Variants in MYO1E observed in about 807,000 individuals in gnomAD.
MYO1E encodes unconventional myosin-Ie.
In MYO1E, 68 loss-of-function variants were observed where a neutral mutation model predicts 151.1. The observed-to-expected ratio is 0.45, with a 90% CI of 0.37 to 0.55. The LOEUF (loss-of-function observed/expected upper bound fraction) is 0.55. Among genes scored for constraint, MYO1E ranks in the 20% least tolerant of loss-of-function variants. The probability of loss-of-function intolerance (pLI) is 0.00; values close to 1 mark genes in which losing one functional copy is unlikely to be tolerated. For synonymous variants in MYO1E, 601 were observed against 501.7 expected (o/e 1.20, Z -2.64); for missense variants, 1,363 against 1,389.3 (o/e 0.98, Z 0.30).
chr15:59,367,979 G>A (rs1222685533), intron 1 of MYO1E, among the ~76,000 whole-genome samples: 1 of 152,040 alleles, frequency 6.6e-6, no homozygotes, highest in East Asian at 1.9e-4. Context: ...AATTAGGCGG[G>A]TGTGGTGGTG....
Position 59,239,525 on chromosome 15 carries a change from G to C in MYO1E, c.333-2853C>G, listed in dbSNP as rs573737261. 2.0e-5 allele frequency among the ~76,000 whole-genome samples: 3 copies of C among 151,916 alleles called. No homozygotes were observed. In the South Asian group the frequency reaches 6.2e-4, roughly 32 times the overall value. On this transcript the variant is annotated intron_variant, in intron 4 of 27. Transcript: ENST00000288235. ...TAAATTTAAAAAAGAATTATAAAAG[G>C]ACAGTAATCCCAGTAATCCTCCCAC...
In MYO1E at chr15:59,220,336, C is replaced by A. The variant is rs536055620; in HGVS notation, c.911-2249G>T. Reference sequence around the variant, plus strand: ...TGGTGGTGCGCACCTGTAATCCCAGCTACTTGGGAGGCTGAGACAGGAGAA... The same window carrying A: ...TGGTGGTGCGCACCTGTAATCCCAGATACTTGGGAGGCTGAGACAGGAGAA... On this transcript the variant is annotated intron_variant, in intron 9 of 27. Coordinates refer to ENST00000288235, the MANE Select transcript of MYO1E (RefSeq NM_004998.4). Among the ~76,000 whole-genome samples, 18 of 152,302 alleles carry A rather than the reference C, an allele frequency of 1.2e-4. No individual in the cohort carries two copies. The South Asian group carries it at 2.3e-3, about 19-fold the overall frequency.
intron 1 of MYO1E, among the ~76,000 whole-genome samples, chr15:59,344,010 G>A (rs189601559): frequency 6.6e-6 from 1 of 152,238 alleles, no homozygotes; most frequent in East Asian, 1.9e-4. Context: ...ATTGACCCCT[G>A]GTCAATTTAT....
chr15:59,151,889 T>TACACACACACACACAC (rs34550013), intron 26 of MYO1E, among the ~76,000 whole-genome samples: 159 of 147,242 alleles, frequency 1.1e-3, no homozygotes, highest in African/African-American at 3.9e-3. Flanking sequence ...TCTACAAAAA[T>TACACACACACACACAC]ACACACACAC....
chr15:59,226,379 A>G (rs2079991553), intron 7 of MYO1E, among the ~76,000 whole-genome samples: 1 of 152,246 alleles, frequency 6.6e-6, no homozygotes, highest in Non-Finnish European at 1.5e-5. Flanking sequence ...AACAAAAAAC[A>G]GTGACCAGGT....
At chr15:59,239,225 T>TATA (rs1300583176) in intron 4 of MYO1E, among the ~76,000 whole-genome samples, 1,488 of 34,612 alleles carry the variant, frequency 0.043, 12 homozygotes, top group East Asian at 0.076. Flanking sequence ...TATATATATA[T>TATA]TTTTTTTATT....
chr15:59,205,909 G>A (rs967849902), intron 14 of MYO1E, among the ~76,000 whole-genome samples: 1 of 152,158 alleles, frequency 6.6e-6, no homozygotes, highest in Non-Finnish European at 1.5e-5. Context: ...TCACTGCAAT[G>A]AGCCATGTCA....
intron 1 of MYO1E, among the ~76,000 whole-genome samples, chr15:59,277,557 A>AAACAACAACAAC (rs1555416364): frequency 4.1e-4 from 19 of 46,704 alleles, no homozygotes; most frequent in African/African-American, 7.5e-4. Context: ...ACAAAAAAAA[A>AAACAACAACAAC]AAAAAAAAAA....
intron 8 of MYO1E, 125 bp from the exon 9 acceptor site, chr15:59,223,316 A>C: frequency 1.8e-4 from 7 of 39,944 alleles, no homozygotes; most frequent in East Asian, 3.0e-4. Context: ...AGTTACAAAG[A>C]AAAAAAAAAA....
At chr15:59,220,848 C>T (rs1361982302) in intron 9 of MYO1E, among the ~76,000 whole-genome samples, 9 of 117,018 alleles carry the variant, frequency 7.7e-5, no homozygotes, top group East Asian at 2.1e-4. Context: ...CCAGCACTTC[C>T]GGAGGCCAAG....
chr15:59,208,551 T>G (rs2079855638), intron 14 of MYO1E, 130 bp downstream of exon 14: 1 of 1,172,520 alleles, frequency 8.5e-7, no homozygotes, highest in African/African-American at 1.5e-5. Context: ...TTTGCTTCCT[T>G]TGATAGTTAA....
chr15:59,208,250 C>T (rs1205031102), intron 14 of MYO1E: 3 of 641,804 alleles, frequency 4.7e-6, no homozygotes, highest in African/African-American at 3.7e-5. Context: ...TGAGCATCCA[C>T]GTGCTGGACG....
chr15:59,206,997 G>T, intron 14 of MYO1E: 1 of 1,613,956 alleles, frequency 6.2e-7, no homozygotes, highest in Non-Finnish European at 8.5e-7. Flanking sequence ...CGGTGGGAGC[G>T]AATTTCCTAT....
intron 1 of MYO1E, among the ~76,000 whole-genome samples, chr15:59,315,435 A>G (rs1385867420): frequency 3.3e-5 from 5 of 152,044 alleles, no homozygotes; most frequent in Non-Finnish European, 2.9e-5. Flanking sequence ...TAGCTAATGC[A>G]TGCTGGGCTT....
intron 17 of MYO1E, among the ~76,000 whole-genome samples, chr15:59,192,021 T>C (rs1159730136): frequency 6.6e-6 from 1 of 152,194 alleles, no homozygotes; most frequent in African/African-American, 2.4e-5. Flanking sequence ...ACTTGTGGAA[T>C]GAGTAACCCT....
Position 59,163,157 on chromosome 15 carries a change from G to T in MYO1E, c.2627C>A (p.Thr876Lys), listed in dbSNP as rs147596471. ...QKQLPLKFSN[T>K]LELKLKKENW... Reference sequence around the variant, plus strand: ...GTCTGGGTCCCAGATCCGGACTTACGTATTGCTGAATTTCAGAGGTAGTTG... The same window carrying T: ...GTCTGGGTCCCAGATCCGGACTTACTTATTGCTGAATTTCAGAGGTAGTTG... The change falls in exon 23 of 28, where the codon ACG (threonine) becomes AAG (lysine). Residue 876 changes from threonine to lysine, a missense_variant and splice_region_variant. Transcript: ENST00000288235. The T allele has an allele frequency of 6.2e-7, 1 of 1,613,968 alleles. No homozygotes were observed. Among genetic ancestry groups the T allele is most frequent in the East Asian group, 2.2e-5 (1 of 44,884 alleles).
chr15:59,311,452 C>T (rs2080551279), intron 1 of MYO1E, among the ~76,000 whole-genome samples: 2 of 152,100 alleles, frequency 1.3e-5, no homozygotes, highest in South Asian at 4.1e-4. Flanking sequence ...GCTGTGCATC[C>T]CAGTTCCTAA....
intron 6 of MYO1E, among the ~76,000 whole-genome samples, chr15:59,229,148 T>C (rs1555412865): frequency 6.6e-6 from 1 of 152,104 alleles, no homozygotes; most frequent in Non-Finnish European, 1.5e-5. Context: ...CCTCAACAGT[T>C]GAGGGAAAAT....
At chr15:59,201,200 C>A (rs898495242) in intron 16 of MYO1E, among the ~76,000 whole-genome samples, 2 of 150,748 alleles carry the variant, frequency 1.3e-5, no homozygotes, top group East Asian at 3.9e-4. Context: ...TTGACTAAAG[C>A]GATCCTCCTT....
Sources: gnomAD v4.1 joint callset for allele counts (sites outside exome capture counted in the v4.1 genomes callset) on GRCh38, gnomAD v4.1.1 for gene constraint, MANE v1.5 for transcripts, NCBI Gene and HGNC (gene_info 2026-07-23, HGNC 2026-07-21) for gene names.